The following RPS6KA5 variants were observed in gnomAD, a reference collection of about 807,000 sequenced individuals.
RPS6KA5 encodes ribosomal protein S6 kinase A5.
Under a neutral mutation model 85.5 loss-of-function variants are expected in RPS6KA5, and 27 were observed. That is an observed-to-expected ratio of 0.32 (90% CI 0.23 to 0.44). The LOEUF is 0.44. Ranked by LOEUF, RPS6KA5 falls within the 20% of genes least tolerant of loss-of-function variation. RPS6KA5 has a pLI of 1.00. For missense variants in RPS6KA5, 811 were observed against 980.9 expected, an observed-to-expected ratio of 0.83 and a Z score of 2.31; for synonymous variants, 334 against 348.2, an observed-to-expected ratio of 0.96 and a Z score of 0.46.
At chr14:90,967,148 A>G (rs190973977) in intron 3 of RPS6KA5, among the ~76,000 whole-genome samples, 25 of 152,356 alleles carry the variant, frequency 1.6e-4, no homozygotes, top group African/African-American at 5.8e-4. Flanking sequence ...ATTGACTTAC[A>G]GTCCATACAA....
intron 13 of RPS6KA5, among the ~76,000 whole-genome samples, chr14:90,892,915 C>T (rs1335692137): frequency 6.6e-6 from 1 of 152,150 alleles, no homozygotes; most frequent in East Asian, 1.9e-4. Context: ...TCTGATAGTT[C>T]TGCCCCATTT....
intron 2 of RPS6KA5, among the ~76,000 whole-genome samples, chr14:90,986,087 T>C (rs1461861619): frequency 6.6e-6 from 1 of 152,216 alleles, no homozygotes; most frequent in Non-Finnish European, 1.5e-5. Flanking sequence ...TTTTAGATGA[T>C]GGATTCAACC....
intron 1 of RPS6KA5, among the ~76,000 whole-genome samples, chr14:91,009,211 A>C (rs2041156786): frequency 6.6e-6 from 1 of 152,198 alleles, no homozygotes; most frequent in Admixed American, 6.5e-5. Flanking sequence ...TGATTAGGTC[A>C]CTAGGGCAGA....
At chr14:90,926,664 A>AGTGTGT (rs59637202) in intron 5 of RPS6KA5, among the ~76,000 whole-genome samples, 5,743 of 143,250 alleles carry the variant, frequency 0.04, 257 homozygotes, top group South Asian at 0.12. Flanking sequence ...TATATATTTA[A>AGTGTGT]GTGTGTGTGT....
intron 1 of RPS6KA5, among the ~76,000 whole-genome samples, chr14:91,025,556 C>T (rs2041958952): frequency 6.6e-6 from 1 of 151,990 alleles, no homozygotes; most frequent in Admixed American, 6.6e-5. Flanking sequence ...GCGGAGGAGG[C>T]AGGAAAGATG....
chr14:90,874,359 A>T (rs2033315161), intron 15 of RPS6KA5, among the ~76,000 whole-genome samples: 1 of 152,222 alleles, frequency 6.6e-6, no homozygotes. Context: ...CTTCTAGGAG[A>T]TGAATCCTGT....
intron 1 of RPS6KA5, among the ~76,000 whole-genome samples, chr14:91,024,666 T>TC (rs1486222488): frequency 1.3e-5 from 2 of 152,180 alleles, no homozygotes; most frequent in Non-Finnish European, 2.9e-5. Context: ...TTTATCTGAT[T>TC]CCCCTCTAAA....
chr14:91,022,432 G>A (rs1273925793), intron 1 of RPS6KA5, among the ~76,000 whole-genome samples: 1 of 152,126 alleles, frequency 6.6e-6, no homozygotes. Context: ...AACCACTTAT[G>A]AAACAACCTG....
At chr14:90,884,843 A>G (rs1432317157) in intron 14 of RPS6KA5, among the ~76,000 whole-genome samples, 1 of 152,164 alleles carries the variant, frequency 6.6e-6, no homozygotes, top group African/African-American at 2.4e-5. Context: ...CCTGAATTGG[A>G]ATTGCTGGAT....
Position 90,944,329 on chromosome 14 carries a change from A to T in RPS6KA5, c.511-1144T>A, listed in dbSNP as rs2037752833. 2.0e-5 allele frequency among the ~76,000 whole-genome samples: 3 copies of T among 152,214 alleles called. No homozygotes were observed. The South Asian group carries it at 6.2e-4, about 31-fold the overall frequency. ...AAATCAAAATTGCATACAGAAAAAC[A>T]CTAGGGGCCAGGCACAGTGGCTCAT... On this transcript the variant is annotated intron_variant, in intron 4 of 16. Transcript: ENST00000614987.
intron 3 of RPS6KA5, among the ~76,000 whole-genome samples, chr14:90,972,863 A>C (rs2140459319): frequency 6.6e-6 from 1 of 152,364 alleles, no homozygotes; most frequent in Non-Finnish European, 1.5e-5. Flanking sequence ...TTACTTTATG[A>C]GCTCCTAGAA....
rs142076464 is a variant in RPS6KA5, at chr14:90,879,184, G to T, written c.1837-3824C>A. On this transcript the variant is annotated intron_variant, in intron 14 of 16. Coordinates refer to ENST00000614987, the MANE Select transcript of RPS6KA5 (RefSeq NM_004755.4). ...TGCCTTGATTCACCAAGTCAGGTAG[G>T]CACAGCAACAAACCAATGCACTATG... Among the ~76,000 whole-genome samples, 361 of 152,336 alleles carry T rather than the reference G, an allele frequency of 2.4e-3. 4 individuals carry two copies. The highest frequency in any genetic ancestry group is 6.7e-3 in the African/African-American group (278 of 41,574).
chr14:91,019,469 C>A (rs1421649927), intron 1 of RPS6KA5, among the ~76,000 whole-genome samples: 2 of 152,170 alleles, frequency 1.3e-5, no homozygotes, highest in Non-Finnish European at 1.5e-5. Flanking sequence ...AGTAGAAGGT[C>A]TCCAGACTCA....
chr14:90,860,746 G>T lies in RPS6KA5; in HGVS notation c.*11328C>A, dbSNP rs2032499825. 1 of 152,074 alleles carries T rather than the reference G, an allele frequency of 6.6e-6. No individual in the cohort carries two copies. The highest frequency in any genetic ancestry group is 2.4e-5 in the African/African-American group (1 of 41,412). The allele number at this position is 152,074 out of a possible 1,614,324, so 9.4% of individuals were successfully genotyped here. A position where few individuals can be genotyped will look rare whatever the true frequency, so the allele number is the denominator to read the frequency against. On this transcript the variant is annotated 3_prime_UTR_variant, in exon 17 of 17. Coordinates refer to ENST00000614987, the MANE Select transcript of RPS6KA5 (RefSeq NM_004755.4). Reference sequence around the variant, plus strand: ...AAAACAAAAGCTGAGAGAATTCATTGTCAGAAGACTGGCACTAAAATAAAT... The same window carrying T: ...AAAACAAAAGCTGAGAGAATTCATTTTCAGAAGACTGGCACTAAAATAAAT...
At chr14:91,018,055 G>C (rs1286139) in intron 1 of RPS6KA5, among the ~76,000 whole-genome samples, 107,606 of 152,040 alleles carry the variant, frequency 0.71, 38,157 homozygotes, top group East Asian at 0.87. Flanking sequence ...CTACAACAAC[G>C]CAATTCAGGC....
chr14:90,903,953 T>C (rs2035340277), intron 8 of RPS6KA5, among the ~76,000 whole-genome samples: 1 of 151,826 alleles, frequency 6.6e-6, no homozygotes, highest in African/African-American at 2.4e-5. Flanking sequence ...CCATAAATTT[T>C]TTTTTTTTTT....
At chr14:90,951,772 T>A (rs1250608739) in intron 3 of RPS6KA5, among the ~76,000 whole-genome samples, 1 of 152,160 alleles carries the variant, frequency 6.6e-6, no homozygotes, top group Non-Finnish European at 1.5e-5. Flanking sequence ...AATGGGAAGA[T>A]AAGGGCATTA....
intron 8 of RPS6KA5, among the ~76,000 whole-genome samples, 164 bp downstream of exon 8, chr14:90,905,985 G>A (rs964806547): frequency 8.5e-5 from 13 of 152,064 alleles, no homozygotes; most frequent in Non-Finnish European, 1.3e-4. Flanking sequence ...TACTGAAAGG[G>A]TCCCTATCAT....
intron 7 of RPS6KA5, among the ~76,000 whole-genome samples, chr14:90,914,701 C>T (rs2036020891): frequency 6.6e-6 from 1 of 152,088 alleles, no homozygotes; most frequent in South Asian, 2.1e-4. Flanking sequence ...ATGATTCACC[C>T]CAACAGGTTG....
Sources: gnomAD v4.1 joint callset for allele counts (sites outside exome capture counted in the v4.1 genomes callset) on GRCh38, gnomAD v4.1.1 for gene constraint, MANE v1.5 for transcripts, NCBI Gene and HGNC (gene_info 2026-07-23, HGNC 2026-07-21) for gene names.